The following PLSCR4 variants were observed in gnomAD, a reference collection of about 807,000 sequenced individuals.
The protein encoded by PLSCR4 is Ca(2+)-dependent phospholipid scramblase 4.
Under a neutral mutation model 36.3 loss-of-function variants are expected in PLSCR4, and 25 were observed. The ratio of observed to expected loss-of-function variants is 0.69; its 90% CI spans 0.50 to 0.96. The LOEUF is 0.96. Among genes scored for constraint, PLSCR4 ranks in the 40% least tolerant of loss-of-function variants. PLSCR4 has a pLI of 0.00. For missense variants in PLSCR4, 408 were observed against 414.7 expected, an observed-to-expected ratio of 0.98 and a Z score of 0.14; for synonymous variants, 122 against 132.9, an observed-to-expected ratio of 0.92 and a Z score of 0.56.
chr3:146,198,333 A>G (rs2033861301), intron 6 of PLSCR4, among the ~76,000 whole-genome samples: 1 of 152,174 alleles, frequency 6.6e-6, no homozygotes, highest in Non-Finnish European at 1.5e-5. Context: ...TAATACAAGT[A>G]AAACTGGAGA....
At chr3:146,202,623 GC>G (rs1187888451) in intron 4 of PLSCR4, among the ~76,000 whole-genome samples, 2 of 151,980 alleles carry the variant, frequency 1.3e-5, no homozygotes, top group Non-Finnish European at 2.9e-5. Context: ...AATGAAGTTT[GC>G]CATATCAATT....
In PLSCR4 at chr3:146,196,724, C is replaced by T. The variant is rs1216544237; in HGVS notation, c.694G>A (p.Val232Met). ...VAEHWNLCRAVYSIQNEKKEN... is the reference protein window; with the variant it reads ...VAEHWNLCRAMYSIQNEKKEN... ...TTCTTCTCATTTTGGATGCTGTACA[C>T]CGCCCTGCACAGGTTCCAATGTTCC... The change falls in exon 7 of 9, where the codon GTG becomes ATG. Residue 232 changes from valine to methionine, a missense_variant. Coordinates refer to ENST00000354952, the MANE Select transcript of PLSCR4 (RefSeq NM_020353.3). The T allele has an allele frequency of 6.2e-7, 1 of 1,613,864 alleles. No homozygotes were observed. The highest frequency in any genetic ancestry group is 1.1e-5 in the South Asian group (1 of 91,070).
intron 2 of PLSCR4, among the ~76,000 whole-genome samples, chr3:146,221,753 C>G (rs758539910): frequency 5.3e-5 from 8 of 152,176 alleles, no homozygotes; most frequent in Non-Finnish European, 7.4e-5. Flanking sequence ...ACTACAACCT[C>G]TCTTTGCAGA....
chr3:146,230,399 G>A (rs1048961330), intron 1 of PLSCR4, among the ~76,000 whole-genome samples: 1 of 152,098 alleles, frequency 6.6e-6, no homozygotes, highest in African/African-American at 2.4e-5. Flanking sequence ...GTGCAGGTTT[G>A]TGTTTCTATG....
intron 3 of PLSCR4, among the ~76,000 whole-genome samples, chr3:146,216,992 T>C (rs941580313): frequency 6.6e-6 from 1 of 152,112 alleles, no homozygotes; most frequent in Non-Finnish European, 1.5e-5. Context: ...TAATACTATC[T>C]GAAAACAAGG....
intron 1 of PLSCR4, among the ~76,000 whole-genome samples, chr3:146,224,976 G>A (rs2035381158): frequency 6.6e-6 from 1 of 151,924 alleles, no homozygotes; most frequent in African/African-American, 2.4e-5. Flanking sequence ...GTCGATTGGT[G>A]CACTCACAAA....
At position 146,192,420 on chromosome 3, in the gene PLSCR4, T is replaced by C. The variant is rs969533353; in HGVS notation, c.*1991A>G. On this transcript the variant is annotated 3_prime_UTR_variant, in exon 9 of 9. Transcript: ENST00000354952. ...CGCACAAATTCCAGAGAATTTGTTT[T>C]TTAATCAATCCGATCAATTTTACAC... The C allele has an allele frequency of 2.0e-5, 3 of 151,044 alleles. No individual in the cohort carries two copies. The highest frequency in any genetic ancestry group is 3.0e-5 in the Non-Finnish European group (2 of 67,788). 9.4% of individuals were successfully genotyped at this position (151,044 alleles called of 1,614,324 possible). A position where few individuals can be genotyped will look rare whatever the true frequency, so the allele number is the denominator to read the frequency against.
chr3:146,223,703 T>TAA (rs1290965996), intron 1 of PLSCR4: 3 of 151,922 alleles, frequency 2.0e-5, no homozygotes, highest in African/African-American at 7.3e-5. Flanking sequence ...CGGGTGAAAG[T>TAA]TTAACCAGTC....
chr3:146,228,177 A>G (rs1375894851), intron 1 of PLSCR4, among the ~76,000 whole-genome samples: 16 of 152,198 alleles, frequency 1.1e-4, no homozygotes, highest in Admixed American at 5.2e-4. Flanking sequence ...TATAGCACTT[A>G]AAACAGTGCC....
Position 146,196,429 on chromosome 3 carries a change from T to C in PLSCR4, c.786+203A>G. On this transcript the variant is annotated intron_variant, in intron 7 of 8. Transcript: ENST00000354952. ...TTTTTATTTTTATCAAGTACTGAAG[T>C]CATAAAAAAAGCTTTCATTTTGGAA... 1.3e-5 allele frequency: 7 copies of C among 542,904 alleles called. No homozygotes were observed. In the South Asian group the frequency reaches 1.4e-4, roughly 10 times the overall value. The allele number at this position is 542,904 out of a possible 1,614,324, so 33.6% of individuals were successfully genotyped here. A position where few individuals can be genotyped will look rare whatever the true frequency, so the allele number is the denominator to read the frequency against.
intron 4 of PLSCR4, among the ~76,000 whole-genome samples, chr3:146,201,860 A>G (rs1559900725): frequency 2.0e-5 from 3 of 152,066 alleles, no homozygotes; most frequent in South Asian, 4.1e-4. Context: ...CTAGCAGAAG[A>G]AAAGAAACCT....
At position 146,232,654 on chromosome 3, in the gene PLSCR4, T is replaced by A. The variant is rs111851904; in HGVS notation, c.-21-10562A>T. Among the ~76,000 whole-genome samples the A allele has an allele frequency of 4.6e-3, 699 of 152,268 alleles. 1 individual carries two copies. Among genetic ancestry groups the A allele is most frequent in the Middle Eastern group, 0.01 (3 of 294 alleles). The stretch of plus-strand genomic sequence containing the variant: ...TGGTTCCTGGTTTGGCCATTACTGG[T>A]GTATAGAAATGCTACTGATTGTTTT... On this transcript the variant is annotated intron_variant, in intron 1 of 8. Transcript: ENST00000354952.
intron 4 of PLSCR4, among the ~76,000 whole-genome samples, chr3:146,202,459 T>A (rs2108226662): frequency 6.6e-6 from 1 of 152,216 alleles, no homozygotes; most frequent in East Asian, 1.9e-4. Context: ...TAAAAAACTT[T>A]ATTGCTAAAA....
intron 4 of PLSCR4, among the ~76,000 whole-genome samples, chr3:146,202,096 G>T (rs2034077518): frequency 6.6e-6 from 1 of 151,904 alleles, no homozygotes. Flanking sequence ...AGGGTACAAA[G>T]GGCACAATCT....
At chr3:146,236,874 C>A (rs11919011) in intron 1 of PLSCR4, among the ~76,000 whole-genome samples, 116,364 of 151,984 alleles carry the variant, frequency 0.77, 45,624 homozygotes, top group Non-Finnish European at 0.86. Flanking sequence ...AGAAGAAAGG[C>A]TAAGAAAGAT....
At chr3:146,201,657 C>T (rs1231161224) in intron 4 of PLSCR4, among the ~76,000 whole-genome samples, 1 of 152,022 alleles carries the variant, frequency 6.6e-6, no homozygotes, top group Non-Finnish European at 1.5e-5. Context: ...CAAGTGCACA[C>T]TTTAATAAGG....
chr3:146,214,672 C>A (rs192589131), intron 3 of PLSCR4, among the ~76,000 whole-genome samples: 10 of 152,100 alleles, frequency 6.6e-5, no homozygotes, highest in Admixed American at 6.5e-4. Context: ...CATGACCTAA[C>A]CACAATACTG....
In PLSCR4 at chr3:146,196,054, G is replaced by T. The variant is rs1365496983; in HGVS notation, c.786+578C>A. Among the ~76,000 whole-genome samples, 3 of 152,132 alleles carry T rather than the reference G, an allele frequency of 2.0e-5. No individual in the cohort carries two copies. The East Asian group carries it at 5.8e-4, about 29-fold the overall frequency. ...TCTAGGAATTTCCTGTGTCAGACTC[G>T]TAGGGTAATGAACCAGCATTTTGTA... On this transcript the variant is annotated intron_variant, in intron 7 of 8. Transcript: ENST00000354952.
intron 1 of PLSCR4, among the ~76,000 whole-genome samples, chr3:146,222,634 T>G (rs756418830): frequency 1.3e-5 from 2 of 152,168 alleles, no homozygotes; most frequent in Non-Finnish European, 2.9e-5. Flanking sequence ...TAGGAGTGAC[T>G]GGGCCACAGT....
Sources: allele counts gnomAD v4.1 joint callset (sites outside exome capture counted in the v4.1 genomes callset), GRCh38; gene constraint gnomAD v4.1.1; transcripts MANE v1.5; gene names NCBI Gene and HGNC (gene_info 2026-07-23, HGNC 2026-07-21).